ADAMTS2: variants seen among roughly 807,000 people sequenced by gnomAD.
ADAMTS2 encodes the protein A disintegrin and metalloproteinase with thrombospondin motifs 2.
ADAMTS2 carries 50 observed loss-of-function variants against 123.0 expected under a neutral mutation model. The observed-to-expected ratio is 0.41, with a 90% CI of 0.32 to 0.51. The LOEUF (loss-of-function observed/expected upper bound fraction) is 0.51, where lower values mean the gene tolerates loss of function less well. Among genes scored for constraint, ADAMTS2 ranks in the 20% least tolerant of loss-of-function variants. The pLI is 0.35. For synonymous variants in ADAMTS2, 678 were observed against 695.4 expected (o/e 0.98, Z 0.39); for missense variants, 1,494 against 1,705.2 (o/e 0.88, Z 2.18).
At chr5:179,344,219 AC>A (rs1027737216) in intron 1 of ADAMTS2, 58 bp from the exon 2 acceptor site, 3 of 1,515,062 alleles carry the variant, frequency 2.0e-6, no homozygotes, top group African/African-American at 2.8e-5. Flanking sequence ...TGCCTCAGAG[AC>A]CCGCCGGCAA....
chr5:179,341,997 C>T (rs1757787827), intron 2 of ADAMTS2, among the ~76,000 whole-genome samples: 1 of 152,162 alleles, frequency 6.6e-6, no homozygotes, highest in African/African-American at 2.4e-5. Flanking sequence ...TTCAAACAGC[C>T]CCCCAGGAGC....
chr5:179,326,201 C>CATGTGTGT (rs1757314150), intron 2 of ADAMTS2, among the ~76,000 whole-genome samples: 5 of 148,594 alleles, frequency 3.4e-5, no homozygotes, highest in Admixed American at 3.3e-4. Context: ...TTTGTGTGTG[C>CATGTGTGT]GTGTGTGTGT....
intron 4 of ADAMTS2, among the ~76,000 whole-genome samples, chr5:179,194,320 C>T (rs2113344476): frequency 6.6e-6 from 1 of 152,350 alleles, no homozygotes; most frequent in South Asian, 2.1e-4. Context: ...CTCCCCAGCC[C>T]TGCTGGAACA....
chr5:179,190,164 T>C (rs914767506), intron 4 of ADAMTS2, among the ~76,000 whole-genome samples: 1 of 152,200 alleles, frequency 6.6e-6, no homozygotes, highest in African/African-American at 2.4e-5. Flanking sequence ...TGTCTTCTTA[T>C]ATTAATAAGA....
chr5:179,294,486 C>T (rs1030491700), intron 2 of ADAMTS2, among the ~76,000 whole-genome samples: 21 of 152,310 alleles, frequency 1.4e-4, no homozygotes, highest in Middle Eastern at 3.4e-3. Flanking sequence ...AGGATCAACC[C>T]GACCCAGGGA....
intron 5 of ADAMTS2, 133 bp from the exon 6 acceptor site, chr5:179,159,012 G>T (rs751061490): frequency 1.7e-6 from 2 of 1,210,508 alleles, no homozygotes; most frequent in Non-Finnish European, 2.3e-6. Flanking sequence ...GCCCTGCCCG[G>T]TCACTCTCAG....
Position 179,329,160 on chromosome 5 carries a change from T to A in ADAMTS2, c.534+14607A>T, listed in dbSNP as rs1035302083. Among the ~76,000 whole-genome samples the A allele has an allele frequency of 9.2e-5, 14 of 152,050 alleles. No homozygotes were observed. The East Asian group carries it at 1.7e-3, about 19-fold the overall frequency. ...GGCTAACACGGTGAAACCCCGTCTC[T>A]ACTAAAAATACAAAAAATTAGCCGG... On this transcript the variant is annotated intron_variant, in intron 2 of 21. Transcript: ENST00000251582.
chr5:179,345,349 G>C lies in ADAMTS2; in HGVS notation c.-21C>G. 3.5e-6 allele frequency: 4 copies of C among 1,132,362 alleles called. No individual in the cohort carries two copies. Among genetic ancestry groups the C allele is most frequent in the Non-Finnish European group, 4.3e-6 (4 of 924,252 alleles). 70.1% of individuals were successfully genotyped at this position (1,132,362 alleles called of 1,614,324 possible). On this transcript the variant is annotated 5_prime_UTR_variant, in exon 1 of 22. Coordinates refer to ENST00000251582, the MANE Select transcript of ADAMTS2 (RefSeq NM_014244.5). The surrounding 1 kb of genome is among the most constrained non-coding windows in gnomAD (Gnocchi z 7.5). Reference sequence around the variant, plus strand: ...TCCATGGCAGCCGGACTGCAGCCGGGGCCCCGCACTCGCAGCCGGCGCGAA... The same window carrying C: ...TCCATGGCAGCCGGACTGCAGCCGGCGCCCCGCACTCGCAGCCGGCGCGAA...
In ADAMTS2 at chr5:179,207,556, C is replaced by T. The variant is rs760325496; in HGVS notation, c.848G>A (p.Gly283Glu). The change falls in exon 4 of 22, where the codon GGG becomes GAG. Residue 283 changes from glycine to glutamate, a missense_variant. Around this residue, in one of 6 missense-constraint regions of ADAMTS2, gnomAD observed 184 missense variants for 152.1 expected, o/e 1.21. Transcript: ENST00000251582. ...GVDDSVVQFH[G>E]KEHVQKYLLT... ...CAGGTACTTCTGTACGTGCTCCTTC[C>T]CGTGGAACTGCACCACAGAGTCATC... 8 of 1,606,228 alleles carry T rather than the reference C, an allele frequency of 5.0e-6. No individual in the cohort carries two copies. In the South Asian group the frequency reaches 7.7e-5, roughly 15 times the overall value.
intron 2 of ADAMTS2, among the ~76,000 whole-genome samples, chr5:179,291,252 C>T (rs148172659): frequency 1.3e-5 from 2 of 152,310 alleles, no homozygotes; most frequent in East Asian, 3.9e-4. Flanking sequence ...GCTCCTGCAT[C>T]GGCTGTGGGG....
rs1213771049 is a variant in ADAMTS2, at chr5:179,225,573, G to A, written c.689-17858C>T. Among the ~76,000 whole-genome samples the A allele has an allele frequency of 6.6e-6, 1 of 151,972 alleles. No homozygotes were observed. The highest frequency in any genetic ancestry group is 1.5e-5 in the Non-Finnish European group (1 of 67,980). On this transcript the variant is annotated intron_variant, in intron 3 of 21. Transcript: ENST00000251582. The surrounding 1 kb of genome is among the most constrained non-coding windows in gnomAD (Gnocchi z 4.5). The stretch of plus-strand genomic sequence containing the variant: ...CTGGACGTCGAGAGGAGCGCATGAG[G>A]GGAGGAACACACAGGCGGCTGGACG...
intron 10 of ADAMTS2, among the ~76,000 whole-genome samples, chr5:179,146,275 T>A (rs769790027): frequency 3.3e-5 from 5 of 152,230 alleles, no homozygotes; most frequent in Non-Finnish European, 7.3e-5. Flanking sequence ...CCCTGGCATA[T>A]TGAGGGAAAT....
At chr5:179,325,990 G>A (rs1262798512) in intron 2 of ADAMTS2, among the ~76,000 whole-genome samples, 1 of 152,254 alleles carries the variant, frequency 6.6e-6, no homozygotes, top group East Asian at 1.9e-4. Flanking sequence ...CCTCCCAGCT[G>A]AGGGGTGCGG....
intron 12 of ADAMTS2, 46 bp downstream of exon 12, chr5:179,137,717 ACCCTAG>A: frequency 1.6e-6 from 1 of 632,124 alleles, no homozygotes; most frequent in Non-Finnish European, 2.7e-6. Flanking sequence ...CACCCTGCCC[ACCCTAG>A]GGCCTGCCTG....
intron 2 of ADAMTS2, among the ~76,000 whole-genome samples, chr5:179,316,187 G>A (rs1031766813): frequency 8.5e-5 from 13 of 152,194 alleles, no homozygotes; most frequent in Middle Eastern, 3.2e-3. Flanking sequence ...GGCAGCAGAC[G>A]GGAGACAAGA....
chr5:179,166,645 C>T (rs1341958651), intron 5 of ADAMTS2, among the ~76,000 whole-genome samples: 2 of 152,178 alleles, frequency 1.3e-5, no homozygotes, highest in African/African-American at 4.8e-5. Context: ...ATCCTGGCCG[C>T]GGGACCCTGG....
At chr5:179,338,265 CAG>C (rs1298109870) in intron 2 of ADAMTS2, among the ~76,000 whole-genome samples, 4 of 152,174 alleles carry the variant, frequency 2.6e-5, no homozygotes, top group Non-Finnish European at 5.9e-5. Flanking sequence ...CCAGCCCACA[CAG>C]AGAACCTGCA....
At chr5:179,244,495 C>T (rs1765738636) in intron 3 of ADAMTS2, among the ~76,000 whole-genome samples, 1 of 152,168 alleles carries the variant, frequency 6.6e-6, no homozygotes, top group Non-Finnish European at 1.5e-5. Context: ...TTTTATCAGA[C>T]ATACTAAAGG....
intron 10 of ADAMTS2, among the ~76,000 whole-genome samples, 166 bp from the exon 11 acceptor site, chr5:179,140,201 G>T (rs2113223808): frequency 6.6e-6 from 1 of 152,310 alleles, no homozygotes. Flanking sequence ...CAGAAGACAG[G>T]CCTCATTGGC....
Sources: gnomAD v4.1 joint callset for allele counts (sites outside exome capture counted in the v4.1 genomes callset) on GRCh38, gnomAD v4.1.1 for gene constraint, gnomAD v4.1.1 regional missense constraint, Gnocchi (gnomAD v3.1) non-coding constraint, MANE v1.5 for transcripts, NCBI Gene and HGNC (gene_info 2026-07-23, HGNC 2026-07-21) for gene names.